CERS3: variants seen among roughly 807,000 people sequenced by gnomAD.
CERS3 encodes ceramide synthase 3.
CERS3 carries 33 observed loss-of-function variants against 50.3 expected under a neutral mutation model. The observed-to-expected ratio is 0.66, with a 90% CI of 0.50 to 0.88. CERS3 has a LOEUF of 0.88. CERS3 is among the 40% of genes least tolerant of loss of function. The pLI is 0.00. For synonymous variants in CERS3, 176 were observed against 155.2 expected (o/e 1.13, Z -0.99); for missense variants, 470 against 460.3 (o/e 1.02, Z -0.19).
intron 2 of CERS3, among the ~76,000 whole-genome samples, chr15:100,506,185 G>T (rs955691621): frequency 1.3e-5 from 2 of 152,118 alleles, no homozygotes; most frequent in South Asian, 2.1e-4. Flanking sequence ...ATACTTGAAG[G>T]TCATATATCT....
intron 11 of CERS3, among the ~76,000 whole-genome samples, chr15:100,443,146 T>G (rs1337633115): frequency 1.3e-5 from 2 of 150,920 alleles, no homozygotes; most frequent in Non-Finnish European, 1.5e-5. Flanking sequence ...CAAAGCCTCC[T>G]TTGCGTCCTC....
chr15:100,443,795 C>G (rs1286754591), intron 11 of CERS3, among the ~76,000 whole-genome samples: 1 of 152,126 alleles, frequency 6.6e-6, no homozygotes, highest in African/African-American at 2.4e-5. Flanking sequence ...ACCCCAGCAC[C>G]TTCTACAAAA....
chr15:100,470,285 A>G (rs2034922281), intron 9 of CERS3, among the ~76,000 whole-genome samples: 1 of 152,082 alleles, frequency 6.6e-6, no homozygotes, highest in South Asian at 2.1e-4. Flanking sequence ...TTCAGAACCA[A>G]CTTCATCCCA....
In CERS3 at chr15:100,467,880, T is replaced by TAG. The variant is rs377426449; in HGVS notation, c.845+1497_845+1498insCT. Reference sequence around the variant, plus strand: ...ATAGATAGATAGATAGATAGATAGATATAGATATAGATATAGATATATTTA... The same window carrying TAG: ...ATAGATAGATAGATAGATAGATAGATAGATAGATATAGATATAGATATATTTA... On this transcript the variant is annotated intron_variant, in intron 10 of 11. Coordinates refer to ENST00000679737, the MANE Select transcript of CERS3 (RefSeq NM_001378789.1). Among the ~76,000 whole-genome samples, 52 of 23,622 alleles carry TAG rather than the reference T, an allele frequency of 2.2e-3. No individual in the cohort carries two copies. In the East Asian group the frequency reaches 0.029, roughly 13 times the overall value. 15.5% of individuals were successfully genotyped at this position (23,622 alleles called of 152,430 possible).
At chr15:100,499,300 G>A (rs933226098) in intron 3 of CERS3, among the ~76,000 whole-genome samples, 1 of 152,084 alleles carries the variant, frequency 6.6e-6, no homozygotes, top group African/African-American at 2.4e-5. Context: ...ATAAAAGAAT[G>A]CACAGAAGAT....
intron 7 of CERS3, 137 bp from the exon 8 acceptor site, chr15:100,476,315 T>C: frequency 2.1e-6 from 1 of 470,358 alleles, no homozygotes. Context: ...TTTCAATTTA[T>C]ATTTCAACGA....
chr15:100,410,523 G>T (rs1368472985), intron 11 of CERS3, among the ~76,000 whole-genome samples: 1 of 152,144 alleles, frequency 6.6e-6, no homozygotes, highest in African/African-American at 2.4e-5. Flanking sequence ...TCCTTTGAAG[G>T]GTGTGTTCTA....
chr15:100,491,720 C>T (rs1198977795), intron 3 of CERS3, among the ~76,000 whole-genome samples: 1 of 152,112 alleles, frequency 6.6e-6, no homozygotes, highest in Non-Finnish European at 1.5e-5. Context: ...TCCCTTCAAA[C>T]ACTGCTATTG....
Position 100,483,787 on chromosome 15 carries a change from A to ATTTT in CERS3, c.407+759_407+762dup, listed in dbSNP as rs10622678. Among the ~76,000 whole-genome samples, 509 of 99,916 alleles carry ATTTT rather than the reference A, an allele frequency of 5.1e-3. 20 individuals carry two copies. The highest frequency in any genetic ancestry group is 0.015 in the African/African-American group (403 of 26,110). 65.5% of individuals were successfully genotyped at this position (99,916 alleles called of 152,430 possible). A position where few individuals can be genotyped will look rare whatever the true frequency, so the allele number is the denominator to read the frequency against. On this transcript the variant is annotated intron_variant, in intron 5 of 11. Transcript: ENST00000679737. ...AATAATAATAATAATTATTATTATT[A>ATTTT]TTTTTTTTTTTGAGACAGAGTCTTG...
intron 9 of CERS3, among the ~76,000 whole-genome samples, chr15:100,471,958 C>CA (rs2034982155): frequency 6.6e-6 from 1 of 151,806 alleles, no homozygotes; most frequent in Admixed American, 6.6e-5. Flanking sequence ...TTTGAAAAAG[C>CA]AAAAAACAAA....
rs893537550 is a variant in CERS3, at chr15:100,426,687, T to G, written c.1000-23822A>C. ...TGAATACTGTATAACTGTAGATGAC[T>G]CCCAAGTTTATATCCCCCGTGTGGG... On this transcript the variant is annotated intron_variant, in intron 11 of 11. Transcript: ENST00000679737. 2.6e-5 allele frequency among the ~76,000 whole-genome samples: 4 copies of G among 152,318 alleles called. No homozygotes were observed. The South Asian group carries it at 8.3e-4, about 32-fold the overall frequency.
At chr15:100,532,168 G>T (rs904833217), upstream of CERS3, among the ~76,000 whole-genome samples, 1 of 152,184 alleles carries the variant, frequency 6.6e-6, no homozygotes, top group Non-Finnish European at 1.5e-5. Context: ...TCCCACAGTT[G>T]CATGGGTGTA....
intron 5 of CERS3, among the ~76,000 whole-genome samples, chr15:100,483,787 ATT>A: frequency 1.0e-5 from 1 of 100,026 alleles, no homozygotes; most frequent in South Asian, 3.7e-4. Context: ...TATTATTATT[ATT>A]TTTTTTTTTG....
intron 11 of CERS3, among the ~76,000 whole-genome samples, chr15:100,418,383 A>G (rs900193806): frequency 1.3e-5 from 2 of 150,948 alleles, no homozygotes; most frequent in Admixed American, 6.6e-5. Context: ...TTTAGAGAAA[A>G]AAGAATAAAA....
chr15:100,527,941 A>G (rs2036843013), intron 1 of CERS3, among the ~76,000 whole-genome samples: 2 of 152,250 alleles, frequency 1.3e-5, no homozygotes, highest in Admixed American at 1.3e-4. Context: ...CTTTTAAGAA[A>G]AACAAAAGGC....
rs12906592 is a variant in CERS3, at chr15:100,469,044, C to T, written c.845+334G>A. Among the ~76,000 whole-genome samples, 65,198 of 151,996 alleles carry T rather than the reference C, an allele frequency of 0.43. 14,688 individuals carry two copies. Among genetic ancestry groups the T allele is most frequent in the Middle Eastern group, 0.52 (154 of 294 alleles). On this transcript the variant is annotated intron_variant, in intron 10 of 11. Coordinates refer to ENST00000679737, the MANE Select transcript of CERS3 (RefSeq NM_001378789.1). ...CAGAACATACCTCTCTTTTAGAGAA[C>T]TGGTGATTGGACAGTGACTTTTCAT...
intron 11 of CERS3, among the ~76,000 whole-genome samples, chr15:100,433,478 A>G (rs922085584): frequency 1.7e-4 from 26 of 152,210 alleles, no homozygotes; most frequent in Non-Finnish European, 2.2e-4. Context: ...TCTAGATGGC[A>G]GCCCATATCC....
At chr15:100,414,395 C>T (rs1211892820) in intron 11 of CERS3, among the ~76,000 whole-genome samples, 1 of 152,104 alleles carries the variant, frequency 6.6e-6, no homozygotes, top group Admixed American at 6.6e-5. Context: ...ATTAAACTAC[C>T]ATTGACATTC....
In CERS3 at chr15:100,517,857, A is replaced by G. The variant is rs566155148; in HGVS notation, c.-2+3810T>C. Among the ~76,000 whole-genome samples, 19 of 152,222 alleles carry G rather than the reference A, an allele frequency of 1.2e-4. No homozygotes were observed. In the East Asian group the frequency reaches 2.3e-3, roughly 19 times the overall value. On this transcript the variant is annotated intron_variant, in intron 2 of 11. Coordinates refer to ENST00000679737, the MANE Select transcript of CERS3 (RefSeq NM_001378789.1). ...GGAAATGGTGCAGGAGTGCAGAAAAACATCCCCAAATATAGTCTCAACTGC... is the reference window on the plus strand; with the variant it reads ...GGAAATGGTGCAGGAGTGCAGAAAAGCATCCCCAAATATAGTCTCAACTGC...
Sources: gnomAD v4.1 joint callset for allele counts (sites outside exome capture counted in the v4.1 genomes callset) on GRCh38, gnomAD v4.1.1 for gene constraint, MANE v1.5 for transcripts, NCBI Gene and HGNC (gene_info 2026-07-23, HGNC 2026-07-21) for gene names.